MAD1L1: variants seen among roughly 807,000 people sequenced by gnomAD.
MAD1L1 encodes the protein mitotic spindle assembly checkpoint protein MAD1.
MAD1L1 carries 95 observed loss-of-function variants against 96.9 expected under a neutral mutation model. The observed-to-expected ratio is 0.98, with a 90% CI of 0.83 to 1.16. MAD1L1 has a LOEUF of 1.16. Among genes scored for constraint, MAD1L1 ranks in the 50% most tolerant of loss-of-function variants. MAD1L1 has a pLI of 0.00. For synonymous variants in MAD1L1, 473 were observed against 396.6 expected (o/e 1.19, Z -2.29); for missense variants, 1,007 against 954.4 (o/e 1.06, Z -0.73).
At chr7:2,187,910 G>C (rs564103891) in intron 10 of MAD1L1, among the ~76,000 whole-genome samples, 3 of 152,290 alleles carry the variant, frequency 2.0e-5, no homozygotes, top group Non-Finnish European at 2.9e-5. Flanking sequence ...ACGAGTATTT[G>C]TTGACAATAA....
chr7:2,096,236 C>T (rs1584309761), intron 11 of MAD1L1, among the ~76,000 whole-genome samples: 1 of 152,322 alleles, frequency 6.6e-6, no homozygotes, highest in Non-Finnish European at 1.5e-5. Context: ...AGGTCGTCCT[C>T]GTCGGACACA....
intron 16 of MAD1L1, among the ~76,000 whole-genome samples, chr7:1,951,257 A>C (rs1779483175): frequency 6.6e-6 from 1 of 152,262 alleles, no homozygotes; most frequent in South Asian, 2.1e-4. Context: ...TCAGGGGCTC[A>C]GGCAGCAGGT....
chr7:1,903,957 C>T (rs1787445256), intron 17 of MAD1L1, among the ~76,000 whole-genome samples: 1 of 122,400 alleles, frequency 8.2e-6, no homozygotes, highest in Non-Finnish European at 1.8e-5. Flanking sequence ...ACGGAAGACA[C>T]TCTTGCGGAA....
At chr7:2,149,767 A>G (rs1297902978) in intron 10 of MAD1L1, among the ~76,000 whole-genome samples, 1 of 152,232 alleles carries the variant, frequency 6.6e-6, no homozygotes, top group South Asian at 2.1e-4. Context: ...TCAGACTCCA[A>G]TGTGAAACAG....
At chr7:1,997,838 T>C (rs550529292) in intron 14 of MAD1L1, among the ~76,000 whole-genome samples, 1 of 152,162 alleles carries the variant, frequency 6.6e-6, no homozygotes, top group African/African-American at 2.4e-5. Context: ...GGGCTTTGCA[T>C]GGCAAGAGGG....
chr7:1,841,144 G>A (rs2128632525), intron 18 of MAD1L1, among the ~76,000 whole-genome samples: 1 of 152,334 alleles, frequency 6.6e-6, no homozygotes, highest in African/African-American at 2.4e-5. Flanking sequence ...CCGATAACCT[G>A]GCTGCTGCCC....
chr7:2,076,447 C>T (rs1378926937), intron 11 of MAD1L1, among the ~76,000 whole-genome samples: 1 of 152,248 alleles, frequency 6.6e-6, no homozygotes, highest in Non-Finnish European at 1.5e-5. Context: ...GCACTGCCAT[C>T]CTGCACTCCT....
At chr7:1,906,049 CAAAAA>C (rs10570929) in intron 17 of MAD1L1, among the ~76,000 whole-genome samples, 15 of 91,940 alleles carry the variant, frequency 1.6e-4, no homozygotes, top group Admixed American at 6.9e-4. Flanking sequence ...GACTCCATCT[CAAAAA>C]AAAAAAAAAA....
chr7:1,827,509 G>A (rs762961340), intron 18 of MAD1L1, among the ~76,000 whole-genome samples: 23 of 141,414 alleles, frequency 1.6e-4, no homozygotes, highest in African/African-American at 5.7e-4. Context: ...CCCGGGTGTG[G>A]GGTCCTCCCC....
At chr7:2,126,508 G>C (rs940943039) in intron 11 of MAD1L1, among the ~76,000 whole-genome samples, 7 of 152,210 alleles carry the variant, frequency 4.6e-5, no homozygotes, top group African/African-American at 1.4e-4. Context: ...GGGCAGCGGG[G>C]ACACCTGACC....
intron 12 of MAD1L1, among the ~76,000 whole-genome samples, chr7:2,047,720 C>T (rs1783987545): frequency 6.6e-6 from 1 of 152,182 alleles, no homozygotes; most frequent in African/African-American, 2.4e-5. Flanking sequence ...GACACATGCA[C>T]ACACAGAGCT....
At chr7:2,055,143 C>T (rs1056292641) in intron 12 of MAD1L1, among the ~76,000 whole-genome samples, 8 of 152,276 alleles carry the variant, frequency 5.3e-5, no homozygotes, top group Admixed American at 1.3e-4. Flanking sequence ...CACAGCGAGG[C>T]GGTGCGTGCC....
At chr7:1,907,431 G>A (rs377736101) in intron 17 of MAD1L1, among the ~76,000 whole-genome samples, 1 of 152,242 alleles carries the variant, frequency 6.6e-6, no homozygotes, top group African/African-American at 2.4e-5. Context: ...ACCAATGTTG[G>A]GATTTTCAGG....
chr7:2,180,172 T>C (rs544926168), intron 10 of MAD1L1, among the ~76,000 whole-genome samples: 1 of 152,168 alleles, frequency 6.6e-6, no homozygotes, highest in African/African-American at 2.4e-5. Flanking sequence ...CCATGGGGAC[T>C]GAGATTCTAA....
At chr7:2,189,449 A>C (rs1044513732) in intron 10 of MAD1L1, among the ~76,000 whole-genome samples, 2 of 152,236 alleles carry the variant, frequency 1.3e-5, no homozygotes, top group Admixed American at 6.5e-5. Flanking sequence ...ATACAACAGA[A>C]TATTACTCAG....
intron 18 of MAD1L1, among the ~76,000 whole-genome samples, chr7:1,884,895 G>A (rs1412524171): frequency 2.0e-5 from 3 of 152,214 alleles, no homozygotes; most frequent in African/African-American, 7.2e-5. Context: ...TGCAGCTTGG[G>A]GCAGCTGCTC....
intron 18 of MAD1L1, among the ~76,000 whole-genome samples, chr7:1,841,661 C>T (rs1783266635): frequency 6.6e-6 from 1 of 152,340 alleles, no homozygotes; most frequent in East Asian, 1.9e-4. Context: ...GGTGGGGACC[C>T]AAGGGGCCAG....
At chr7:2,097,767 G>A (rs192334138) in intron 11 of MAD1L1, among the ~76,000 whole-genome samples, 8 of 152,344 alleles carry the variant, frequency 5.3e-5, no homozygotes, top group African/African-American at 1.7e-4. Context: ...TGCTGAGTGG[G>A]GAAGGGAGAC....
chr7:1,844,713 G>A (rs1783491394), intron 18 of MAD1L1, among the ~76,000 whole-genome samples: 1 of 152,204 alleles, frequency 6.6e-6, no homozygotes, highest in Non-Finnish European at 1.5e-5. Flanking sequence ...CTGTGGCTTG[G>A]CACAGGCCGG....
Sources: gnomAD v4.1 joint callset for allele counts (sites outside exome capture counted in the v4.1 genomes callset) on GRCh38, gnomAD v4.1.1 for gene constraint, MANE v1.5 for transcripts, NCBI Gene and HGNC (gene_info 2026-07-23, HGNC 2026-07-21) for gene names.